CLDN10: variants seen among roughly 807,000 people sequenced by gnomAD.
The protein encoded by CLDN10 is claudin-10.
Under a neutral mutation model 22.9 loss-of-function variants are expected in CLDN10, and 15 were observed. The observed-to-expected ratio is 0.65, with a 90% CI of 0.44 to 1.01. CLDN10 has a LOEUF of 1.01. Among genes scored for constraint, CLDN10 ranks in the 50% least tolerant of loss-of-function variants. The probability of loss-of-function intolerance (pLI) is 0.00; values close to 1 mark genes in which losing one functional copy is unlikely to be tolerated. For missense variants in CLDN10, 247 were observed against 287.8 expected (o/e 0.86, Z 1.03); for synonymous variants, 114 against 111.4 (o/e 1.02, Z -0.15).
chr13:95,552,620 G>T (rs570510143), upstream of CLDN10: 2 of 1,175,100 alleles, frequency 1.7e-6, no homozygotes, highest in African/African-American at 1.6e-5. Context: ...CCCTGGCGCC[G>T]GGTCCGCTGG....
intron 1 of CLDN10, among the ~76,000 whole-genome samples, chr13:95,473,173 G>C (rs902497362): frequency 2.9e-5 from 4 of 137,546 alleles, no homozygotes; most frequent in African/African-American, 1.2e-4. Flanking sequence ...GAGAGAGAGA[G>C]AATCAAGGGT....
chr13:95,577,689 C>T (rs1452840344), intron 4 of CLDN10, among the ~76,000 whole-genome samples: 4 of 152,040 alleles, frequency 2.6e-5, no homozygotes, highest in Non-Finnish European at 4.4e-5. Context: ...AACAAATGAC[C>T]AAGTCATGAG....
At chr13:95,505,425 G>T (rs1013846646) in intron 1 of CLDN10, among the ~76,000 whole-genome samples, 1 of 152,182 alleles carries the variant, frequency 6.6e-6, no homozygotes, top group African/African-American at 2.4e-5. Flanking sequence ...TGAAGTCGTT[G>T]GCTGACTCAC....
chr13:95,548,805 A>G (rs2043535896), upstream of CLDN10, among the ~76,000 whole-genome samples: 1 of 152,176 alleles, frequency 6.6e-6, no homozygotes. Context: ...GATTAGCAGC[A>G]CGCCACCTCA....
At chr13:95,486,676 GCATCT>G (rs879734038) in intron 1 of CLDN10, among the ~76,000 whole-genome samples, 30 of 152,108 alleles carry the variant, frequency 2.0e-4, no homozygotes, top group Admixed American at 1.8e-3. Flanking sequence ...TGCCTCACAG[GCATCT>G]CAAACAGAAT....
intron 1 of CLDN10, among the ~76,000 whole-genome samples, chr13:95,523,661 C>G (rs557159493): frequency 6.6e-6 from 1 of 152,310 alleles, no homozygotes; most frequent in South Asian, 2.1e-4. Context: ...AGACTGTTTT[C>G]AGACTCATGG....
At chr13:95,553,204 A>T (rs1383313183) in intron 1 of CLDN10, among the ~76,000 whole-genome samples, 3 of 151,946 alleles carry the variant, frequency 2.0e-5, no homozygotes, top group Non-Finnish European at 2.9e-5. Context: ...GGGAGGGGGG[A>T]CACGCAGACA....
intron 3 of CLDN10, among the ~76,000 whole-genome samples, chr13:95,575,449 G>C (rs2043911104): frequency 6.6e-6 from 1 of 152,212 alleles, no homozygotes; most frequent in South Asian, 2.1e-4. Flanking sequence ...CAACATAAAA[G>C]CAGGGCTGAT....
At chr13:95,456,838 T>C (rs2042486569) in intron 1 of CLDN10, among the ~76,000 whole-genome samples, 1 of 152,196 alleles carries the variant, frequency 6.6e-6, no homozygotes, top group African/African-American at 2.4e-5. Context: ...TTTTGCTTTG[T>C]TTGTAAAGAC....
intron 1 of CLDN10, among the ~76,000 whole-genome samples, chr13:95,475,908 C>T (rs2042682202): frequency 6.6e-6 from 1 of 152,014 alleles, no homozygotes; most frequent in Non-Finnish European, 1.5e-5. Flanking sequence ...GTGATGAGCA[C>T]CATGGCTCTG....
chr13:95,546,565 A>AT (rs1210486925), intron 1 of CLDN10, among the ~76,000 whole-genome samples: 1 of 152,222 alleles, frequency 6.6e-6, no homozygotes, highest in Non-Finnish European at 1.5e-5. Context: ...AAGAACATGC[A>AT]TTTTTAACCC....
At chr13:95,470,733 T>TCTCTC (rs1161611703) in intron 1 of CLDN10, among the ~76,000 whole-genome samples, 1 of 152,126 alleles carries the variant, frequency 6.6e-6, no homozygotes, top group African/African-American at 2.4e-5. Flanking sequence ...TCTGTTCTCT[T>TCTCTC]CTCTCCAGCT....
intron 1 of CLDN10, among the ~76,000 whole-genome samples, chr13:95,547,050 T>TC (rs1052634476): frequency 6.6e-6 from 1 of 150,578 alleles, no homozygotes; most frequent in African/African-American, 2.4e-5. Flanking sequence ...GGCTAACTTT[T>TC]TTTTTTTTTT....
intron 1 of CLDN10, among the ~76,000 whole-genome samples, chr13:95,467,407 T>A (rs977789524): frequency 6.6e-6 from 1 of 152,154 alleles, no homozygotes; most frequent in Non-Finnish European, 1.5e-5. Context: ...AGTCTCATAC[T>A]TTTTTTAAAA....
chr13:95,474,289 C>T (rs115192599), intron 1 of CLDN10, among the ~76,000 whole-genome samples: 77 of 152,236 alleles, frequency 5.1e-4, no homozygotes, highest in African/African-American at 1.8e-3. Context: ...AGGGTTCGTG[C>T]TCCTATGAGA....
At chr13:95,449,750 TTTTTTC>T (rs1451084863) in intron 1 of CLDN10, among the ~76,000 whole-genome samples, 1 of 149,768 alleles carries the variant, frequency 6.7e-6, no homozygotes, top group Non-Finnish European at 1.5e-5. Context: ...TTTTTTTTTT[TTTTTTC>T]TTTTTGAGGC....
chr13:95,499,604 T>C (rs1356233283), intron 1 of CLDN10, among the ~76,000 whole-genome samples: 1 of 152,118 alleles, frequency 6.6e-6, no homozygotes, highest in Non-Finnish European at 1.5e-5. Context: ...GACAGGCAGA[T>C]AGACAGGCAC....
At chr13:95,510,578 T>G (rs868216139) in intron 1 of CLDN10, among the ~76,000 whole-genome samples, 5 of 152,328 alleles carry the variant, frequency 3.3e-5, no homozygotes, top group South Asian at 2.1e-4. Flanking sequence ...TGCTTATTTA[T>G]TAAGCCTTTG....
intron 1 of CLDN10, among the ~76,000 whole-genome samples, chr13:95,463,285 A>ATATAT (rs1555288952): frequency 4.7e-4 from 19 of 40,098 alleles, no homozygotes; most frequent in African/African-American, 1.1e-3. Flanking sequence ...GCAAATGCTT[A>ATATAT]ATATATATAT....
Sources: allele counts gnomAD v4.1 joint callset (sites outside exome capture counted in the v4.1 genomes callset), GRCh38; gene constraint gnomAD v4.1.1; transcripts MANE v1.5; gene names NCBI Gene and HGNC (gene_info 2026-07-23, HGNC 2026-07-21).